The following AMDHD1 variants were observed in gnomAD, a reference collection of about 807,000 sequenced individuals.
AMDHD1 encodes amidohydrolase domain containing 1.
Under a neutral mutation model 44.1 loss-of-function variants are expected in AMDHD1, and 45 were observed. The ratio of observed to expected loss-of-function variants is 1.02; its 90% confidence interval spans 0.80 to 1.31. AMDHD1 has a LOEUF of 1.31. Among genes scored for constraint, AMDHD1 ranks in the 50% most tolerant of loss-of-function variants. The probability of loss-of-function intolerance (pLI) is 0.00; values close to 1 mark genes in which losing one functional copy is unlikely to be tolerated. For missense variants in AMDHD1, 586 were observed against 552.1 expected (o/e 1.06, Z -0.61); for synonymous variants, 206 against 205.0 (o/e 1.00, Z -0.04).
intron 1 of AMDHD1, among the ~76,000 whole-genome samples, chr12:95,948,378 CT>C (rs2080510570): frequency 3.0e-5 from 2 of 66,276 alleles, no homozygotes; most frequent in Non-Finnish European, 2.8e-5. Flanking sequence ...GTCAGCCCCC[CT>C]GCCCGGCCAG....
rs1235417834 is a variant in AMDHD1 at position 95,966,488 on chromosome 12, C to T, written c.1173C>T (p.Leu391=). The part of the protein sequence containing the change: ...GSLEVGKQGD[L]IIINSSRWEH... ...TGGAAGTTGGCAAACAGGGAGATCT[C>T]ATTATCATCAATTCATCCCGGTGAG... The change falls in exon 8 of 9, where the codon CTC becomes CTT. Residue 391 remains leucine, a synonymous_variant. Transcript: ENST00000266736. 6.2e-7 allele frequency: 1 copy of T among 1,614,114 alleles called. No individual in the cohort carries two copies. The highest frequency in any genetic ancestry group is 8.5e-7 in the Non-Finnish European group (1 of 1,180,056).
chr12:95,944,608 T>C (rs2080485458), intron 1 of AMDHD1, among the ~76,000 whole-genome samples: 1 of 151,938 alleles, frequency 6.6e-6, no homozygotes, highest in South Asian at 2.1e-4. Context: ...GTAGAGACAA[T>C]GTCTCACTGT....
intron 1 of AMDHD1, among the ~76,000 whole-genome samples, chr12:95,948,065 C>T (rs1186265002): frequency 2.8e-5 from 2 of 71,434 alleles, no homozygotes; most frequent in Non-Finnish European, 5.3e-5. Context: ...CCCGGCCAGC[C>T]GCCCCGTCTG....
rs527280713 is a variant in AMDHD1, at chr12:95,958,825, G to A, written c.588-1573G>A. ...AATCCCAGCACTTTGGGGGGCCGAG[G>A]CGGGTGGATCACCTGAGGTCAGAAG... On this transcript the variant is annotated intron_variant, in intron 4 of 8. Transcript: ENST00000266736. 4.6e-5 allele frequency among the ~76,000 whole-genome samples: 7 copies of A among 152,308 alleles called. No individual in the cohort carries two copies. The South Asian group carries it at 1.4e-3, about 32-fold the overall frequency.
chr12:95,951,993 A>G (rs989508348), intron 1 of AMDHD1, among the ~76,000 whole-genome samples: 2 of 152,070 alleles, frequency 1.3e-5, no homozygotes, highest in Non-Finnish European at 2.9e-5. Flanking sequence ...TCCCTTGTCA[A>G]TTAGATAGTG....
rs1281156109 is a variant in AMDHD1, at chr12:95,965,754, A to G, written c.1007A>G (p.Asn336Ser). The G allele has an allele frequency of 6.2e-7, 1 of 1,612,364 alleles. No individual in the cohort carries two copies. The highest frequency in any genetic ancestry group is 8.5e-7 in the Non-Finnish European group (1 of 1,179,152). Residue 336 changes from asparagine (N) to serine (S), a missense_variant, in exon 7 of 9, where the codon AAC becomes AGC. Asn to Ser is a conservative substitution (Grantham distance 46, BLOSUM62 1). Coordinates refer to ENST00000266736, the MANE Select transcript of AMDHD1 (RefSeq NM_152435.3). ...ATAGTTGCTCTGGGAAGTGATTTCA[A>G]CCCCAATGCATATTGCTTTTCAATG... ...GVIVALGSDF[N>S]PNAYCFSMPM... is the part of the protein sequence containing the mutation.
At chr12:95,953,930 T>A (rs1049852194) in intron 2 of AMDHD1, among the ~76,000 whole-genome samples, 1 of 152,136 alleles carries the variant, frequency 6.6e-6, no homozygotes. Context: ...TGAAATGTTA[T>A]GAAAAAGAGG....
At position 95,965,669 on chromosome 12, in the gene AMDHD1, T is replaced by G; in HGVS notation, c.939-17T>G. 6.3e-7 allele frequency: 1 copy of G among 1,589,666 alleles called. No homozygotes were observed. The highest frequency in any genetic ancestry group is 8.6e-7 in the Non-Finnish European group (1 of 1,163,526). ...GCTCCCATTCTAGAGACTGACATAT[T>G]TTTTTCCTCCCCTTAGACTGAAACA... On this transcript the variant is annotated splice_polypyrimidine_tract_variant and intron_variant, in intron 6 of 8. Transcript: ENST00000266736.
intron 8 of AMDHD1, among the ~76,000 whole-genome samples, chr12:95,966,853 A>T (rs540731790): frequency 5.0e-4 from 76 of 152,178 alleles, no homozygotes; most frequent in African/African-American, 1.7e-3. Flanking sequence ...CTGGCTTCTC[A>T]CTTTGGTTCT....
intron 2 of AMDHD1, among the ~76,000 whole-genome samples, chr12:95,954,465 G>A (rs1327712573): frequency 6.6e-6 from 1 of 152,078 alleles, no homozygotes; most frequent in Non-Finnish European, 1.5e-5. Flanking sequence ...CTACTAGGGA[G>A]GCTGAGGTGG....
At chr12:95,948,184 C>T (rs1415324577) in intron 1 of AMDHD1, among the ~76,000 whole-genome samples, 247 of 121,248 alleles carry the variant, frequency 2.0e-3, no homozygotes, top group African/African-American at 2.7e-3. Flanking sequence ...GCCCCCCGCC[C>T]GGCCAGCCGC....
chr12:95,967,626 C>T, intron 8 of AMDHD1, 130 bp from the exon 9 acceptor site: 2 of 693,010 alleles, frequency 2.9e-6, no homozygotes, highest in Middle Eastern at 3.8e-4. Flanking sequence ...TTTAGAAAGC[C>T]CAAATACCAT....
At chr12:95,959,732 G>C (rs1412148116) in intron 4 of AMDHD1, among the ~76,000 whole-genome samples, 4 of 151,960 alleles carry the variant, frequency 2.6e-5, no homozygotes, top group Non-Finnish European at 4.4e-5. Context: ...GACCACAGGT[G>C]GGTCATCAGG....
In AMDHD1 at chr12:95,960,603, C is replaced by T. The variant is rs768906861; in HGVS notation, c.793C>T (p.His265Tyr). The change falls in exon 5 of 9, where the codon CAC becomes TAC. Residue 265 changes from histidine (H) to tyrosine (Y), a missense_variant. Coordinates refer to ENST00000266736, the MANE Select transcript of AMDHD1 (RefSeq NM_152435.3). Reference protein sequence around the residue: ...LQINFHGDELHPMKAAELGAE... With the variant: ...LQINFHGDELYPMKAAELGAE... Reference sequence around the variant, plus strand: ...GATTAACTTCCATGGGGATGAACTCCACCCGATGAAGGCTGCTGAGGTGTG... The same window carrying T: ...GATTAACTTCCATGGGGATGAACTCTACCCGATGAAGGCTGCTGAGGTGTG... The T allele has an allele frequency of 2.9e-5, 47 of 1,614,030 alleles. No individual in the cohort carries two copies. Among genetic ancestry groups the T allele is most frequent in the South Asian group, 5.5e-5 (5 of 91,072 alleles).
intron 6 of AMDHD1, 89 bp from the exon 7 acceptor site, chr12:95,965,597 T>C (rs1472270304): frequency 4.0e-6 from 3 of 757,702 alleles, no homozygotes; most frequent in Non-Finnish European, 6.5e-6. Flanking sequence ...TATGAAGGCG[T>C]TGACTGTCTC....
chr12:95,968,636 G>A lies in AMDHD1; in HGVS notation c.*793G>A, dbSNP rs1457262572. ...AGCCTGGAAGTAGATCAGCAGCGTT[G>A]TCTATTAGAGTTTTTAGGAAATTAC... is the stretch of plus-strand genomic sequence containing the variant. On this transcript the variant is annotated 3_prime_UTR_variant, in exon 9 of 9. Transcript: ENST00000266736. 6.6e-6 allele frequency: 1 copy of A among 152,176 alleles called. No individual in the cohort carries two copies. The highest frequency in any genetic ancestry group is 1.5e-5 in the Non-Finnish European group (1 of 68,016). The allele number at this position is 152,176 out of a possible 1,614,324, so 9.4% of individuals were successfully genotyped here.
At chr12:95,947,710 G>A (rs2080503529) in intron 1 of AMDHD1, among the ~76,000 whole-genome samples, 3 of 65,512 alleles carry the variant, frequency 4.6e-5, no homozygotes, top group African/African-American at 1.7e-4. Flanking sequence ...CCGGGAGGGA[G>A]ATGGGGGGGT....
At chr12:95,950,176 G>T (rs776163732) in intron 1 of AMDHD1, among the ~76,000 whole-genome samples, 2 of 152,144 alleles carry the variant, frequency 1.3e-5, no homozygotes, top group Non-Finnish European at 2.9e-5. Context: ...ACTGCACACT[G>T]GGTAGATTAT....
intron 6 of AMDHD1, among the ~76,000 whole-genome samples, chr12:95,964,928 C>CAAAAAAAAAA (rs60076877): frequency 0.14 from 4,836 of 35,714 alleles, 1,476 homozygotes; most frequent in Non-Finnish European, 0.15. Flanking sequence ...ATGTTTGAGG[C>CAAAAAAAAAA]AAAAAAAAAA....
Sources: allele counts gnomAD v4.1 joint callset (sites outside exome capture counted in the v4.1 genomes callset), GRCh38; gene constraint gnomAD v4.1.1; transcripts MANE v1.5; gene names NCBI Gene and HGNC (gene_info 2026-07-23, HGNC 2026-07-21).